Variants in WDR89 observed in about 807,000 individuals in gnomAD.
WDR89 encodes the protein WD repeat-containing protein 89.
Under a neutral mutation model 29.1 loss-of-function variants are expected in WDR89, and 17 were observed. The ratio of observed to expected loss-of-function variants is 0.58; its 90% CI spans 0.40 to 0.88. WDR89 has a LOEUF of 0.88. WDR89 is among the 40% of genes least tolerant of loss of function. The pLI is 0.00. For missense variants in WDR89, 396 were observed against 456.3 expected (o/e 0.87, Z 1.20); for synonymous variants, 138 against 157.8 (o/e 0.87, Z 0.94).
chr14:63,607,586 A>G (rs1037768202), intron 2 of WDR89, among the ~76,000 whole-genome samples: 1 of 152,180 alleles, frequency 6.6e-6, no homozygotes, highest in African/African-American at 2.4e-5. Flanking sequence ...CTGAAGGGCA[A>G]TTAAGAAACC....
At chr14:63,635,636 G>A (rs377362629) in intron 1 of WDR89, among the ~76,000 whole-genome samples, 1 of 152,180 alleles carries the variant, frequency 6.6e-6, no homozygotes, top group African/African-American at 2.4e-5. Context: ...AGAGGAATTA[G>A]ACAACAGAAA....
intron 2 of WDR89, among the ~76,000 whole-genome samples, chr14:63,613,090 C>T (rs1882087283): frequency 6.6e-6 from 1 of 152,162 alleles, no homozygotes; most frequent in Non-Finnish European, 1.5e-5. Context: ...CTTTTCTTTG[C>T]TCATCTGCTG....
chr14:63,608,564 T>C (rs1881740743), intron 2 of WDR89, among the ~76,000 whole-genome samples: 1 of 152,144 alleles, frequency 6.6e-6, no homozygotes, highest in Non-Finnish European at 1.5e-5. Flanking sequence ...GCAATGTTAC[T>C]AGTTTCTTAT....
chr14:63,611,883 C>T (rs181097239), intron 2 of WDR89, among the ~76,000 whole-genome samples: 5 of 151,848 alleles, frequency 3.3e-5, no homozygotes, highest in Admixed American at 2.0e-4. Flanking sequence ...TGCACCACCA[C>T]GTCAGGCTAA....
chr14:63,634,899 A>C (rs1417265812), intron 1 of WDR89, among the ~76,000 whole-genome samples: 1 of 150,862 alleles, frequency 6.6e-6, no homozygotes, highest in Non-Finnish European at 1.5e-5. Flanking sequence ...TTAGCTGGGC[A>C]TGGTGGTGCG....
At chr14:63,611,335 C>CAAAAAAAA (rs769975882) in intron 2 of WDR89, among the ~76,000 whole-genome samples, 2 of 22,926 alleles carry the variant, frequency 8.7e-5, no homozygotes, top group African/African-American at 1.2e-4. Flanking sequence ...GGCCCTGTCG[C>CAAAAAAAA]AAAAAAAAAA....
intron 2 of WDR89, among the ~76,000 whole-genome samples, chr14:63,612,044 C>CATA (rs1490428582): frequency 1.3e-5 from 2 of 151,876 alleles, no homozygotes; most frequent in African/African-American, 2.4e-5. Context: ...AAATTTTTAA[C>CATA]ATATCATTGA....
intron 2 of WDR89, among the ~76,000 whole-genome samples, chr14:63,606,662 C>A (rs1272137876): frequency 6.6e-6 from 1 of 152,180 alleles, no homozygotes; most frequent in Non-Finnish European, 1.5e-5. Context: ...CAGGATGAAA[C>A]TGCCTAATGA....
chr14:63,601,492 C>T (rs1263088886), intron 2 of WDR89: 1 of 1,319,216 alleles, frequency 7.6e-7, no homozygotes, highest in Non-Finnish European at 1.1e-6. Context: ...GAGTACGAGT[C>T]TGAGGTGGAG....
intron 1 of WDR89, among the ~76,000 whole-genome samples, chr14:63,625,548 T>C (rs1882981928): frequency 6.6e-6 from 1 of 152,096 alleles, no homozygotes; most frequent in South Asian, 2.1e-4. Context: ...ACATAAAAAG[T>C]CATAGGCAAA....
chr14:63,636,543 G>T (rs1883750490), intron 1 of WDR89, among the ~76,000 whole-genome samples: 1 of 152,144 alleles, frequency 6.6e-6, no homozygotes, highest in South Asian at 2.1e-4. Context: ...CACCAAAACA[G>T]CATGGTACTG....
chr14:63,640,892 G>A (rs1427632056), intron 1 of WDR89, among the ~76,000 whole-genome samples: 6 of 150,412 alleles, frequency 4.0e-5, no homozygotes, highest in Non-Finnish European at 8.9e-5. Flanking sequence ...GAAGTCAGGA[G>A]TTCGAGACCG....
Position 63,598,684 on chromosome 14 carries a change from T to C in WDR89, c.*95A>G. 1.7e-6 allele frequency: 2 copies of C among 1,175,702 alleles called. No homozygotes were observed. Among genetic ancestry groups the C allele is most frequent in the South Asian group, 2.2e-5 (1 of 45,392 alleles). 72.8% of individuals were successfully genotyped at this position (1,175,702 alleles called of 1,614,324 possible). A position where few individuals can be genotyped will look rare whatever the true frequency, so the allele number is the denominator to read the frequency against. ...AGGACTGTTTGCTAACTGGCTTGTT[T>C]TTACATAAAGCTTTAAACATGTCTA... On this transcript the variant is annotated 3_prime_UTR_variant, in exon 3 of 3. Transcript: ENST00000620954.
intron 1 of WDR89, among the ~76,000 whole-genome samples, chr14:63,640,464 C>T (rs909064880): frequency 3.3e-5 from 5 of 151,818 alleles, no homozygotes; most frequent in African/African-American, 4.9e-5. Flanking sequence ...TCGATTAATT[C>T]ACTTCTAGGT....
intron 2 of WDR89, among the ~76,000 whole-genome samples, chr14:63,605,152 GTCTC>G (rs746030363): frequency 2.2e-5 from 3 of 137,766 alleles, no homozygotes; most frequent in Non-Finnish European, 4.5e-5. Context: ...CGTGCTGTCT[GTCTC>G]TCTCTCTCTC....
At chr14:63,624,045 T>C (rs1882880631) in intron 2 of WDR89, among the ~76,000 whole-genome samples, 1 of 152,014 alleles carries the variant, frequency 6.6e-6, no homozygotes. Flanking sequence ...CTACAAAACT[T>C]ATAAGAGAAA....
intron 2 of WDR89, chr14:63,618,054 T>G (rs1415206100): frequency 6.6e-6 from 1 of 152,206 alleles, no homozygotes; most frequent in Non-Finnish European, 1.5e-5. Flanking sequence ...TGCTCGCTTC[T>G]GCAGCATATA....
intron 2 of WDR89, among the ~76,000 whole-genome samples, chr14:63,602,364 G>T (rs1206437427): frequency 6.6e-6 from 1 of 151,082 alleles, no homozygotes; most frequent in Admixed American, 6.6e-5. Context: ...CCAGCTACTC[G>T]GGAGGCTGAG....
intron 1 of WDR89, among the ~76,000 whole-genome samples, chr14:63,640,330 G>A (rs1002556299): frequency 5.3e-5 from 8 of 152,154 alleles, no homozygotes; most frequent in Admixed American, 2.6e-4. Context: ...ACTCTAAGTA[G>A]TCAAGTTTGG....
Sources: allele counts gnomAD v4.1 joint callset (sites outside exome capture counted in the v4.1 genomes callset), GRCh38; gene constraint gnomAD v4.1.1; transcripts MANE v1.5; gene names NCBI Gene and HGNC (gene_info 2026-07-23, HGNC 2026-07-21).